The following TTPA variants were observed in gnomAD, a reference collection of about 807,000 sequenced individuals.
The protein encoded by TTPA is alpha tocopherol transfer protein, also known as alpha-tocopherol transfer protein.
A neutral mutation model predicts 25.9 loss-of-function variants in TTPA; 23 were observed. The observed-to-expected ratio is 0.89, with a 90% CI of 0.64 to 1.26. The LOEUF (loss-of-function observed/expected upper bound fraction) is 1.26, where lower values mean the gene tolerates loss of function less well. Among genes scored for constraint, TTPA ranks in the 50% most tolerant of loss-of-function variants. The pLI is 0.00. For missense variants in TTPA, 337 were observed against 353.1 expected (o/e 0.95, Z 0.37); for synonymous variants, 148 against 137.3 (o/e 1.08, Z -0.54).
intron 2 of TTPA, among the ~76,000 whole-genome samples, chr8:63,071,508 G>A (rs894884742): frequency 1.2e-4 from 19 of 152,118 alleles, no homozygotes; most frequent in African/African-American, 4.1e-4. Flanking sequence ...AGTGTGAGTC[G>A]TTCTCCTGTG....
chr8:63,069,415 TG>T (rs1397371803), intron 2 of TTPA, among the ~76,000 whole-genome samples: 2 of 152,078 alleles, frequency 1.3e-5, no homozygotes, highest in African/African-American at 2.4e-5. Context: ...TAGCCATGTG[TG>T]GTCATTCAAA....
chr8:63,068,519 G>A (rs951413903), intron 2 of TTPA, among the ~76,000 whole-genome samples: 1 of 152,158 alleles, frequency 6.6e-6, no homozygotes, highest in Admixed American at 6.5e-5. Flanking sequence ...ATTTCAGCAG[G>A]GATGGGAGTG....
At position 63,069,962 on chromosome 8, in the gene TTPA, C is replaced by T. The variant is rs145936331; in HGVS notation, c.358+2973G>A. ...AATATGTATTGAGTGCTTTTATGTA[C>T]CAGGTAATGCTCTTGTTATATTTTA... On this transcript the variant is annotated intron_variant, in intron 2 of 4. Coordinates refer to ENST00000260116, the MANE Select transcript of TTPA (RefSeq NM_000370.3). Among the ~76,000 whole-genome samples the T allele has an allele frequency of 3.3e-5, 5 of 152,208 alleles. No homozygotes were observed. The East Asian group carries it at 9.7e-4, about 29-fold the overall frequency.
At chr8:63,077,922 A>T (rs918251488) in intron 1 of TTPA, among the ~76,000 whole-genome samples, 1 of 152,124 alleles carries the variant, frequency 6.6e-6, no homozygotes, top group Non-Finnish European at 1.5e-5. Context: ...GCCGACAGAC[A>T]CCTCATATAG....
intron 1 of TTPA, among the ~76,000 whole-genome samples, chr8:63,084,072 G>A (rs1805708118): frequency 2.0e-5 from 3 of 151,944 alleles, no homozygotes; most frequent in Non-Finnish European, 4.4e-5. Context: ...TTTTTGTAGA[G>A]ATGAGGTTTC....
rs761559205 is a variant in TTPA at position 63,061,284 on chromosome 8, A to G, written c.805T>C (p.Tyr269His). 2.5e-6 allele frequency: 4 copies of G among 1,613,836 alleles called. No homozygotes were observed. The South Asian group carries it at 4.4e-5, about 18-fold the overall frequency. Residue 269 changes from tyrosine (Y) to histidine (H), a missense_variant, in exon 5 of 5, where the codon TAT becomes CAT. Physicochemically the swap from Tyr to His is moderately conservative, Grantham distance 83. Coordinates refer to ENST00000260116, the MANE Select transcript of TTPA (RefSeq NM_000370.3). ...WTNFIMKSEDYLSSISESIQ is the reference protein window; with the variant it reads ...WTNFIMKSEDHLSSISESIQ Reference sequence around the variant, plus strand: ...ATGCTCTCAGAAATGCTGCTGAGATAATCTTCAGACTTCATTATAAAATTT... The same window carrying G: ...ATGCTCTCAGAAATGCTGCTGAGATGATCTTCAGACTTCATTATAAAATTT...
chr8:63,060,645 G>C lies in TTPA; in HGVS notation c.*607C>G, dbSNP rs1280348023. ...GCTGAGATCTCACTACTGCACTCTAGCCTGGGCGACAGAGCAAGACTCTGT... is the reference window on the plus strand; with the variant it reads ...GCTGAGATCTCACTACTGCACTCTACCCTGGGCGACAGAGCAAGACTCTGT... On this transcript the variant is annotated 3_prime_UTR_variant, in exon 5 of 5. Transcript: ENST00000260116. 6.6e-6 allele frequency: 1 copy of C among 152,422 alleles called. No individual in the cohort carries two copies. Among genetic ancestry groups the C allele is most frequent in the East Asian group, 1.9e-4 (1 of 5,174 alleles). The allele number at this position is 152,422 out of a possible 1,614,324, so 9.4% of individuals were successfully genotyped here.
intron 1 of TTPA, among the ~76,000 whole-genome samples, chr8:63,080,499 A>C (rs1212994888): frequency 6.6e-6 from 1 of 152,130 alleles, no homozygotes; most frequent in Non-Finnish European, 1.5e-5. Flanking sequence ...AGGCAGGCGG[A>C]TCACGACGTC....
chr8:63,064,868 C>G (rs1374769530), intron 3 of TTPA, among the ~76,000 whole-genome samples: 1 of 152,042 alleles, frequency 6.6e-6, no homozygotes, highest in Admixed American at 6.6e-5. Flanking sequence ...TTCCAAGGTT[C>G]TTTTATGTGA....
chr8:63,080,715 G>A (rs1324757782), intron 1 of TTPA, among the ~76,000 whole-genome samples: 3 of 131,152 alleles, frequency 2.3e-5, no homozygotes, highest in Admixed American at 7.8e-5. Context: ...GCGAGACTCC[G>A]TATCAAAAAA....
intron 1 of TTPA, among the ~76,000 whole-genome samples, chr8:63,085,346 T>C (rs1805731928): frequency 6.6e-6 from 1 of 152,244 alleles, no homozygotes; most frequent in African/African-American, 2.4e-5. Flanking sequence ...ACTATGTTGC[T>C]ACTATATGGC....
At chr8:63,078,017 C>G (rs1159782392) in intron 1 of TTPA, among the ~76,000 whole-genome samples, 1 of 152,216 alleles carries the variant, frequency 6.6e-6, no homozygotes, top group Non-Finnish European at 1.5e-5. Flanking sequence ...GTTCTGCAGC[C>G]TTCGCTGGTG....
chr8:63,073,196 C>T, intron 1 of TTPA, 108 bp from the exon 2 acceptor site: 2 of 907,270 alleles, frequency 2.2e-6, no homozygotes, highest in Non-Finnish European at 3.4e-6. Context: ...TCCATTATGT[C>T]AAGAGTTTAA....
At chr8:63,068,132 G>A (rs763798004) in intron 2 of TTPA, among the ~76,000 whole-genome samples, 8 of 152,134 alleles carry the variant, frequency 5.3e-5, no homozygotes, top group Non-Finnish European at 1.2e-4. Flanking sequence ...AGGAAAAGAT[G>A]GGAGTGAAGA....
Position 63,086,018 on chromosome 8 carries a change from C to T in TTPA, c.4G>A (p.Ala2Thr), listed in dbSNP as rs1368278445. The T allele has an allele frequency of 1.4e-6, 2 of 1,429,798 alleles. No homozygotes were observed. The highest frequency in any genetic ancestry group is 3.1e-5 in the East Asian group (1 of 32,730). 88.6% of individuals were successfully genotyped at this position (1,429,798 alleles called of 1,614,324 possible). ...GCCGAGGGCTGGGATCGCGCCTCTG[C>T]CATGCCCGCCGCCGCTGCTGCGGCC... M[A>T]EARSQPSAGP... The change falls in exon 1 of 5, where the codon GCA becomes ACA. Residue 2 changes from alanine (A) to threonine (T), a missense_variant. Coordinates refer to ENST00000260116, the MANE Select transcript of TTPA (RefSeq NM_000370.3).
Position 63,065,866 on chromosome 8 carries a change from T to C in TTPA, c.552+38A>G, listed in dbSNP as rs367736684. 5.6e-6 allele frequency: 9 copies of C among 1,595,856 alleles called. No individual in the cohort carries two copies. The African/African-American group carries it at 1.2e-4, about 21-fold the overall frequency. ...TATAACAAAATTTAAAACTATAATT[T>C]GGAAGTATTATGCCTGACAGTTAAA... On this transcript the variant is annotated intron_variant, in intron 3 of 4. Transcript: ENST00000260116.
intron 3 of TTPA, 105 bp from the exon 4 acceptor site, chr8:63,064,421 A>G (rs1295178033): frequency 1.3e-6 from 1 of 775,520 alleles, no homozygotes; most frequent in Non-Finnish European, 2.1e-6. Context: ...GGAAATATCT[A>G]AAGTGTGTGA....
At chr8:63,064,958 C>A (rs1645030732) in intron 3 of TTPA, among the ~76,000 whole-genome samples, 1 of 152,040 alleles carries the variant, frequency 6.6e-6, no homozygotes, top group South Asian at 2.1e-4. Context: ...CCCTTCTATG[C>A]ATAATTTTCT....
intron 1 of TTPA, among the ~76,000 whole-genome samples, chr8:63,073,685 T>C (rs962870791): frequency 1.3e-5 from 2 of 152,190 alleles, no homozygotes; most frequent in Admixed American, 1.3e-4. Flanking sequence ...CCCAAACTGG[T>C]GATATCAAAA....
Sources: allele counts gnomAD v4.1 joint callset (sites outside exome capture counted in the v4.1 genomes callset), GRCh38; gene constraint gnomAD v4.1.1; transcripts MANE v1.5; gene names NCBI Gene and HGNC (gene_info 2026-07-23, HGNC 2026-07-21).